The following FAM114A2 variants were observed in gnomAD, a reference collection of about 807,000 sequenced individuals.
FAM114A2 encodes protein FAM114A2.
FAM114A2 carries 53 observed loss-of-function variants against 58.4 expected under a neutral mutation model. The observed-to-expected ratio is 0.91, with a 90% CI of 0.73 to 1.14. The LOEUF (loss-of-function observed/expected upper bound fraction) is 1.14, where lower values mean the gene tolerates loss of function less well. Ranked by LOEUF, FAM114A2 falls within the 50% of genes most tolerant of loss-of-function variation. The probability of loss-of-function intolerance (pLI) is 0.00; values close to 1 mark genes in which losing one functional copy is unlikely to be tolerated. For synonymous variants in FAM114A2, 228 were observed against 211.4 expected, an observed-to-expected ratio of 1.08 and a Z score of -0.68; for missense variants, 601 against 581.1, an observed-to-expected ratio of 1.03 and a Z score of -0.35.
chr5:154,026,344 A>G lies in FAM114A2; in HGVS notation c.913+55T>C, dbSNP rs1222889941. On this transcript the variant is annotated intron_variant, in intron 8 of 13. Coordinates refer to ENST00000351797, the MANE Select transcript of FAM114A2 (RefSeq NM_018691.4). ...AAATAATTTATTTCAAGGGCAATGC[A>G]CTGCATACAAACACACTGCATCCTC... 10 of 1,355,886 alleles carry G rather than the reference A, an allele frequency of 7.4e-6. No homozygotes were observed. In the East Asian group the frequency reaches 2.4e-4, roughly 33 times the overall value. The allele number at this position is 1,355,886 out of a possible 1,614,324, so 84.0% of individuals were successfully genotyped here. A position where few individuals can be genotyped will look rare whatever the true frequency, so the allele number is the denominator to read the frequency against.
chr5:154,002,494 T>C, intron 10 of FAM114A2, 104 bp from the exon 11 acceptor site: 1 of 1,215,574 alleles, frequency 8.2e-7, no homozygotes, highest in South Asian at 1.4e-5. Flanking sequence ...GACTAATAGT[T>C]GCCTTCCAAT....
chr5:154,026,453 T>C lies in FAM114A2; in HGVS notation c.859A>G (p.Lys287Glu). Reference sequence around the variant, plus strand: ...AATTCTGCTAGAGAAAATGTTTCTTTGAGTTGCTCTAATTCAACTTTTAGA... The same window carrying C: ...AATTCTGCTAGAGAAAATGTTTCTTCGAGTTGCTCTAATTCAACTTTTAGA... ...ETLKVELEQL[K>E]ETFSLAEFCE... Residue 287 changes from lysine (K) to glutamate (E), a missense_variant, in exon 8 of 14, where the codon AAA (lysine) becomes GAA (glutamate). Lys to Glu is a moderately conservative substitution (Grantham distance 56, BLOSUM62 1). Coordinates refer to ENST00000351797, the MANE Select transcript of FAM114A2 (RefSeq NM_018691.4). 6.3e-7 allele frequency: 1 copy of C among 1,582,080 alleles called. No individual in the cohort carries two copies. The highest frequency in any genetic ancestry group is 8.6e-7 in the Non-Finnish European group (1 of 1,164,434).
intron 8 of FAM114A2, among the ~76,000 whole-genome samples, chr5:154,023,411 G>GTA (rs967299058): frequency 1.3e-5 from 2 of 152,038 alleles, no homozygotes; most frequent in Non-Finnish European, 2.9e-5. Flanking sequence ...AGAAACTGTG[G>GTA]TATATATATA....
chr5:154,029,124 T>A (rs1312026917), intron 5 of FAM114A2, among the ~76,000 whole-genome samples: 17 of 152,214 alleles, frequency 1.1e-4, no homozygotes, highest in Admixed American at 1.0e-3. Flanking sequence ...GTCATAAAGA[T>A]CACATTTCCC....
chr5:154,029,274 A>G (rs1258502293), intron 5 of FAM114A2, among the ~76,000 whole-genome samples: 1 of 151,924 alleles, frequency 6.6e-6, no homozygotes, highest in Non-Finnish European at 1.5e-5. Flanking sequence ...ATTTATTGCT[A>G]CTCCTTTATT....
At position 153,998,012 on chromosome 5, in the gene FAM114A2, A is replaced by T. The variant is rs1009928424; in HGVS notation, c.1257-137T>A. The T allele has an allele frequency of 5.4e-6, 3 of 558,962 alleles. No homozygotes were observed. In the African/African-American group the frequency reaches 5.8e-5, roughly 11 times the overall value. 34.6% of individuals were successfully genotyped at this position (558,962 alleles called of 1,614,324 possible). ...GAAAGCTTTTCAAGGGAGTAAATAC[A>T]GTATCCCCCCCTTATCTGTGGTTTC... is the stretch of plus-strand genomic sequence containing the variant. On this transcript the variant is annotated intron_variant, in intron 11 of 13. Coordinates refer to ENST00000351797, the MANE Select transcript of FAM114A2 (RefSeq NM_018691.4).
intron 8 of FAM114A2, among the ~76,000 whole-genome samples, chr5:154,024,450 A>G (rs1289246778): frequency 6.6e-6 from 1 of 152,186 alleles, no homozygotes; most frequent in Non-Finnish European, 1.5e-5. Flanking sequence ...CAGTGCCATC[A>G]GGGTTGAATC....
chr5:154,022,141 A>G (rs182282874), intron 8 of FAM114A2, among the ~76,000 whole-genome samples: 1 of 152,208 alleles, frequency 6.6e-6, no homozygotes, highest in African/African-American at 2.4e-5. Context: ...ACAAAAATCA[A>G]TTCAAGATGG....
At chr5:153,995,470 T>C (rs1178416300) in intron 12 of FAM114A2, among the ~76,000 whole-genome samples, 1 of 152,134 alleles carries the variant, frequency 6.6e-6, no homozygotes, top group Non-Finnish European at 1.5e-5. Flanking sequence ...CCAGATCCTT[T>C]TGTCAAGAAA....
At chr5:154,011,647 C>G (rs1430175659) in intron 8 of FAM114A2, among the ~76,000 whole-genome samples, 1 of 152,168 alleles carries the variant, frequency 6.6e-6, no homozygotes. Flanking sequence ...TACTCCCAGT[C>G]CAAACCCTGT....
chr5:154,002,394 G>A lies in FAM114A2; in HGVS notation c.1117-4C>T, dbSNP rs1278552777. 9 of 1,613,110 alleles carry A rather than the reference G, an allele frequency of 5.6e-6. No individual in the cohort carries two copies. The highest frequency in any genetic ancestry group is 1.3e-5 in the African/African-American group (1 of 75,046). ...GGATTGCAAACGCATGGATATCCTG[G>A]ATGGAAAAACAAAACAAAGCATAGC... On this transcript the variant is annotated splice_polypyrimidine_tract_variant and splice_region_variant and intron_variant, in intron 10 of 13. Coordinates refer to ENST00000351797, the MANE Select transcript of FAM114A2 (RefSeq NM_018691.4).
intron 9 of FAM114A2, among the ~76,000 whole-genome samples, chr5:154,008,039 A>G (rs558134255): frequency 7.0e-4 from 106 of 152,352 alleles, no homozygotes; most frequent in Non-Finnish European, 1.2e-3. Context: ...GATAGGAGGT[A>G]AGATACACAT....
intron 4 of FAM114A2, among the ~76,000 whole-genome samples, chr5:154,032,096 T>G (rs1368611536): frequency 6.6e-6 from 1 of 152,254 alleles, no homozygotes; most frequent in African/African-American, 2.4e-5. Flanking sequence ...CAGTGAACAC[T>G]GATCAAAGAT....
chr5:153,990,838 G>C lies in FAM114A2; in HGVS notation c.*2138C>G, dbSNP rs1769222646. On this transcript the variant is annotated 3_prime_UTR_variant, in exon 14 of 14. Coordinates refer to ENST00000351797, the MANE Select transcript of FAM114A2 (RefSeq NM_018691.4). ...GCTGTTAACAAAAAACTAAAACACT[G>C]TAACTACCCCAAATAAAATAATGAA... 1.3e-5 allele frequency: 2 copies of C among 152,112 alleles called. No individual in the cohort carries two copies. The highest frequency in any genetic ancestry group is 4.8e-5 in the African/African-American group (2 of 41,438). The allele number at this position is 152,112 out of a possible 1,614,324, so 9.4% of individuals were successfully genotyped here.
At chr5:154,023,143 A>G (rs10052341) in intron 8 of FAM114A2, among the ~76,000 whole-genome samples, 98,876 of 151,724 alleles carry the variant, frequency 0.65, 32,589 homozygotes, top group East Asian at 0.88. Flanking sequence ...TCGTGGGGTC[A>G]GGGGATGGGG....
At chr5:154,018,454 G>A (rs1350755520) in intron 8 of FAM114A2, among the ~76,000 whole-genome samples, 1 of 151,916 alleles carries the variant, frequency 6.6e-6, no homozygotes, top group Admixed American at 6.6e-5. Context: ...AGGACCAGAC[G>A]GATTCACAGC....
At chr5:154,028,787 T>A (rs1771976339) in intron 5 of FAM114A2, among the ~76,000 whole-genome samples, 1 of 152,178 alleles carries the variant, frequency 6.6e-6, no homozygotes, top group African/African-American at 2.4e-5. Context: ...TATGTAAAGC[T>A]GAAATGCAGG....
intron 8 of FAM114A2, among the ~76,000 whole-genome samples, chr5:154,022,444 A>C (rs1771485363): frequency 6.6e-6 from 1 of 152,180 alleles, no homozygotes; most frequent in Non-Finnish European, 1.5e-5. Context: ...TACAAGAAAA[A>C]ATCAAACAAC....
At position 153,990,658 on chromosome 5, in the gene FAM114A2, T is replaced by C. The variant is rs1253089447; in HGVS notation, c.*2318A>G. ...AAAGTCTCTCTTAATCACAGCCTTT[T>C]AAAATCTCAATAGTAGGAAAAGACA... On this transcript the variant is annotated 3_prime_UTR_variant, in exon 14 of 14. Coordinates refer to ENST00000351797, the MANE Select transcript of FAM114A2 (RefSeq NM_018691.4). The C allele has an allele frequency of 6.6e-6, 1 of 152,186 alleles. No individual in the cohort carries two copies. Among genetic ancestry groups the C allele is most frequent in the Non-Finnish European group, 1.5e-5 (1 of 68,022 alleles). 9.4% of individuals were successfully genotyped at this position (152,186 alleles called of 1,614,324 possible). A position where few individuals can be genotyped will look rare whatever the true frequency, so the allele number is the denominator to read the frequency against.
Sources: gnomAD v4.1 joint callset for allele counts (sites outside exome capture counted in the v4.1 genomes callset) on GRCh38, gnomAD v4.1.1 for gene constraint, MANE v1.5 for transcripts, NCBI Gene and HGNC (gene_info 2026-07-23, HGNC 2026-07-21) for gene names.